SIPA1L3: variants seen among roughly 807,000 people sequenced by gnomAD.
SIPA1L3 encodes the protein signal induced proliferation associated 1 like 3.
In SIPA1L3, 59 loss-of-function variants were observed where a neutral mutation model predicts 150.1. That is an observed-to-expected ratio of 0.39 (90% CI 0.32 to 0.49). SIPA1L3 has a LOEUF of 0.49. SIPA1L3 is among the 20% of genes least tolerant of loss of function. The probability of loss-of-function intolerance (pLI) is 0.86; values close to 1 mark genes in which losing one functional copy is unlikely to be tolerated. For synonymous variants in SIPA1L3, 1,070 were observed against 1,077.6 expected (o/e 0.99, Z 0.14); for missense variants, 2,211 against 2,489.5 (o/e 0.89, Z 2.38).
chr19:37,962,500 A>C (rs1248834046), intron 1 of SIPA1L3, among the ~76,000 whole-genome samples: 12 of 91,750 alleles, frequency 1.3e-4, no homozygotes, highest in African/African-American at 2.9e-4. Flanking sequence ...ATAGGGTTCC[A>C]CTCTGTTGCC....
intron 1 of SIPA1L3, among the ~76,000 whole-genome samples, chr19:37,952,025 T>C (rs1687776495): frequency 6.6e-6 from 1 of 151,638 alleles, no homozygotes; most frequent in Admixed American, 6.6e-5. Flanking sequence ...TAGGGATTGG[T>C]TCAAGGAAGG....
At chr19:38,204,048 C>G (rs1181999984) in intron 20 of SIPA1L3, 79 bp from the exon 21 acceptor site, 1 of 1,147,572 alleles carries the variant, frequency 8.7e-7, no homozygotes, top group African/African-American at 1.5e-5. Flanking sequence ...CCTGTACCCC[C>G]AGGCTCCTCA....
At position 38,047,789 on chromosome 19, in the gene SIPA1L3, G is replaced by A. The variant is rs1375888386; in HGVS notation, c.-311+18633G>A. ...TTTTAGAGACCCCAGCGGCAGTCCA[G>A]ATCCTGAAGTCCGACCTTTGATTCA... On this transcript the variant is annotated intron_variant, in intron 2 of 21. Transcript: ENST00000222345. The surrounding 1 kb of genome is among the most constrained non-coding windows in gnomAD (Gnocchi z 4.7). 6.6e-6 allele frequency among the ~76,000 whole-genome samples: 1 copy of A among 152,204 alleles called. No homozygotes were observed. Among genetic ancestry groups the A allele is most frequent in the African/African-American group, 2.4e-5 (1 of 41,460 alleles).
chr19:38,112,655 A>G (rs1179665057), intron 8 of SIPA1L3, among the ~76,000 whole-genome samples: 1 of 152,220 alleles, frequency 6.6e-6, no homozygotes, highest in African/African-American at 2.4e-5. Context: ...ACAGATGTTA[A>G]CATTTTGCTT....
At chr19:38,188,484 C>G (rs754302558) in intron 16 of SIPA1L3, among the ~76,000 whole-genome samples, 2 of 151,744 alleles carry the variant, frequency 1.3e-5, no homozygotes, top group Non-Finnish European at 2.9e-5. Flanking sequence ...ATGCCAGGCC[C>G]AAAATTTAGA....
At chr19:37,970,155 G>A (rs999763046) in intron 1 of SIPA1L3, among the ~76,000 whole-genome samples, 4 of 152,168 alleles carry the variant, frequency 2.6e-5, no homozygotes, top group African/African-American at 2.4e-5. Flanking sequence ...AAGTCTGGCC[G>A]GAAGTTTTTA....
chr19:37,922,688 C>T (rs1334291305), intron 1 of SIPA1L3, among the ~76,000 whole-genome samples: 5 of 151,768 alleles, frequency 3.3e-5, no homozygotes, highest in South Asian at 4.2e-4. Context: ...CCACTGAGCC[C>T]GGCCTTGATT....
rs770713530 is a variant in SIPA1L3 at position 38,119,756 on chromosome 19, G to A, written c.2742G>A (p.Gly914=). The A allele has an allele frequency of 2.7e-5, 43 of 1,613,914 alleles. 2 individuals carry two copies. The South Asian group carries it at 4.7e-4, about 18-fold the overall frequency. Reference sequence around the variant, plus strand: ...AGGTGGTGTTCAACTGCTACTGCGGGGATGTCATTGGCTGGACTCCAGACT... The same window carrying A: ...AGGTGGTGTTCAACTGCTACTGCGGAGATGTCATTGGCTGGACTCCAGACT... ...TKEVVFNCYC[G]DVIGWTPDSS... The change falls in exon 9 of 22, where the codon GGG becomes GGA. Residue 914 remains glycine (G), a synonymous_variant. Coordinates refer to ENST00000222345, the MANE Select transcript of SIPA1L3 (RefSeq NM_015073.3).
chr19:38,033,065 G>A (rs748866960), intron 2 of SIPA1L3, among the ~76,000 whole-genome samples: 3 of 152,158 alleles, frequency 2.0e-5, no homozygotes, highest in Non-Finnish European at 4.4e-5. Context: ...ACAGCCATCC[G>A]GGAGATCACA....
chr19:38,009,326 G>A (rs1029398379), intron 1 of SIPA1L3, among the ~76,000 whole-genome samples: 2 of 152,054 alleles, frequency 1.3e-5, no homozygotes, highest in African/African-American at 4.8e-5. Flanking sequence ...CCCTATTCTG[G>A]GCTATTATTC....
At chr19:37,984,154 A>G (rs928683403) in intron 1 of SIPA1L3, among the ~76,000 whole-genome samples, 6 of 152,320 alleles carry the variant, frequency 3.9e-5, no homozygotes, top group Middle Eastern at 6.8e-3. Context: ...AGCCCTGCGC[A>G]GGGCGGGGCA....
chr19:38,025,664 G>A (rs182258059), intron 1 of SIPA1L3, among the ~76,000 whole-genome samples: 27 of 152,292 alleles, frequency 1.8e-4, no homozygotes, highest in African/African-American at 5.8e-4. Flanking sequence ...AGCAATTTCC[G>A]TTGCAATTTA....
At chr19:38,001,782 C>T (rs770973136) in intron 1 of SIPA1L3, among the ~76,000 whole-genome samples, 15 of 152,186 alleles carry the variant, frequency 9.9e-5, no homozygotes, top group Non-Finnish European at 2.1e-4. Context: ...ATGTACATAA[C>T]ACAAAATTAA....
chr19:37,982,230 C>T (rs759793499), intron 1 of SIPA1L3, among the ~76,000 whole-genome samples: 2 of 152,164 alleles, frequency 1.3e-5, no homozygotes, highest in Admixed American at 6.5e-5. Flanking sequence ...CAGAGAAAGG[C>T]GGCAGAACCA....
intron 1 of SIPA1L3, among the ~76,000 whole-genome samples, chr19:37,963,694 C>A (rs927712609): frequency 6.6e-6 from 1 of 152,222 alleles, no homozygotes; most frequent in Non-Finnish European, 1.5e-5. Flanking sequence ...TTTCTAGAAT[C>A]CTCAAATGGT....
intron 7 of SIPA1L3, among the ~76,000 whole-genome samples, chr19:38,107,260 C>T (rs1360307489): frequency 2.6e-5 from 4 of 152,234 alleles, no homozygotes; most frequent in Non-Finnish European, 5.9e-5. Flanking sequence ...GGACTATTCA[C>T]ATGCCAGTCT....
At chr19:38,062,854 C>G (rs1257856351) in intron 2 of SIPA1L3, among the ~76,000 whole-genome samples, 1 of 152,130 alleles carries the variant, frequency 6.6e-6, no homozygotes, top group Non-Finnish European at 1.5e-5. Flanking sequence ...CTCCTGACCT[C>G]AGGTGATCCG....
At chr19:37,986,084 T>G (rs542072793) in intron 1 of SIPA1L3, among the ~76,000 whole-genome samples, 2 of 152,266 alleles carry the variant, frequency 1.3e-5, no homozygotes, top group African/African-American at 4.8e-5. Context: ...GCATGCTGCT[T>G]GGGGCTGTGG....
At chr19:38,094,115 A>G (rs1443824571) in intron 4 of SIPA1L3, among the ~76,000 whole-genome samples, 3 of 152,218 alleles carry the variant, frequency 2.0e-5, no homozygotes, top group Non-Finnish European at 4.4e-5. Context: ...AAAAGTACCA[A>G]ACGCTCATTA....
Sources: gnomAD v4.1 joint callset for allele counts (sites outside exome capture counted in the v4.1 genomes callset) on GRCh38, gnomAD v4.1.1 for gene constraint, Gnocchi (gnomAD v3.1) non-coding constraint, MANE v1.5 for transcripts, NCBI Gene and HGNC (gene_info 2026-07-23, HGNC 2026-07-21) for gene names.